The following KLHL1 variants were observed in gnomAD, a reference collection of about 807,000 sequenced individuals.
KLHL1 encodes the protein kelch like family member 1.
Under a neutral mutation model 77.7 loss-of-function variants are expected in KLHL1, and 47 were observed. The observed-to-expected ratio is 0.60, with a 90% CI of 0.48 to 0.77. The LOEUF (loss-of-function observed/expected upper bound fraction) is 0.77, where lower values mean the gene tolerates loss of function less well. Ranked by LOEUF, KLHL1 falls within the 30% of genes least tolerant of loss-of-function variation. The pLI is 0.00. For synonymous variants in KLHL1, 360 were observed against 325.2 expected (o/e 1.11, Z -1.15); for missense variants, 925 against 910.8 (o/e 1.02, Z -0.20).
chr13:69,984,892 T>A (rs1308469131), intron 1 of KLHL1, among the ~76,000 whole-genome samples: 2 of 152,054 alleles, frequency 1.3e-5, no homozygotes, highest in African/African-American at 4.8e-5. Flanking sequence ...GCGGATCGCA[T>A]GATGTCAGGA....
chr13:69,893,877 G>C (rs559779907), intron 4 of KLHL1, among the ~76,000 whole-genome samples: 16 of 152,036 alleles, frequency 1.1e-4, no homozygotes, highest in East Asian at 3.9e-4. Flanking sequence ...CCCTTTTTTG[G>C]GAAACACAGT....
At chr13:69,778,117 G>A (rs552883316) in intron 7 of KLHL1, among the ~76,000 whole-genome samples, 1 of 152,042 alleles carries the variant, frequency 6.6e-6, no homozygotes, top group African/African-American at 2.4e-5. Context: ...TAATTAAAGA[G>A]ATTTAAAATG....
chr13:69,942,062 A>G (rs905327706), intron 3 of KLHL1, among the ~76,000 whole-genome samples: 5 of 152,098 alleles, frequency 3.3e-5, no homozygotes, highest in African/African-American at 1.2e-4. Flanking sequence ...AAACTATTCT[A>G]AAAGGAAAAT....
rs1875555526 is a variant in KLHL1, at chr13:69,704,894, T to C, written c.2187+2731A>G. Among the ~76,000 whole-genome samples, 3 of 151,724 alleles carry C rather than the reference T, an allele frequency of 2.0e-5. No individual in the cohort carries two copies. In the South Asian group the frequency reaches 6.2e-4, roughly 31 times the overall value. The stretch of plus-strand genomic sequence containing the variant: ...GGCTTCTCTGTAACAAAATTCTCAA[T>C]ATATCATTATCAATATATCTTATAT... On this transcript the variant is annotated intron_variant, in intron 10 of 10. Coordinates refer to ENST00000377844, the MANE Select transcript of KLHL1 (RefSeq NM_020866.3).
At chr13:69,716,231 C>T (rs1876115723) in intron 9 of KLHL1, among the ~76,000 whole-genome samples, 1 of 152,070 alleles carries the variant, frequency 6.6e-6, no homozygotes. Flanking sequence ...TACAGTTTAT[C>T]TCAAGAAAGT....
intron 6 of KLHL1, among the ~76,000 whole-genome samples, chr13:69,829,043 A>G (rs1253008930): frequency 2.0e-5 from 3 of 150,520 alleles, no homozygotes; most frequent in Non-Finnish European, 4.4e-5. Flanking sequence ...AACCCAAAGT[A>G]TACTTATCCA....
intron 5 of KLHL1, among the ~76,000 whole-genome samples, chr13:69,854,245 C>T (rs1213556726): frequency 6.6e-6 from 1 of 151,968 alleles, no homozygotes; most frequent in African/African-American, 2.4e-5. Flanking sequence ...AGCATGGCAC[C>T]AACATCTGCT....
rs187771308 is a variant in KLHL1 at position 70,048,076 on chromosome 13, G to C, written c.497+59127C>G. ...CTTTAGCTCTTAATCACTAGCATAG[G>C]TCACTCCAAAATTTGACATGCTGTC... On this transcript the variant is annotated intron_variant, in intron 1 of 10. Transcript: ENST00000377844. Among the ~76,000 whole-genome samples, 6 of 152,260 alleles carry C rather than the reference G, an allele frequency of 3.9e-5. No homozygotes were observed. The East Asian group carries it at 9.6e-4, about 24-fold the overall frequency.
intron 10 of KLHL1, among the ~76,000 whole-genome samples, chr13:69,703,781 G>A (rs575030462): frequency 1.7e-4 from 26 of 151,664 alleles, no homozygotes; most frequent in Admixed American, 9.9e-4. Context: ...TACTCATTAC[G>A]GTAACATACT....
chr13:69,748,437 A>G (rs997802445), intron 7 of KLHL1, among the ~76,000 whole-genome samples: 1 of 151,980 alleles, frequency 6.6e-6, no homozygotes, highest in African/African-American at 2.4e-5. Context: ...CCCTGATAAA[A>G]CCATCAGATG....
chr13:69,713,287 C>T (rs1258774211), intron 9 of KLHL1, among the ~76,000 whole-genome samples: 1 of 152,082 alleles, frequency 6.6e-6, no homozygotes. Flanking sequence ...AATTTGCTTT[C>T]TTTTTATGCC....
At chr13:70,045,400 A>C (rs1283016262) in intron 1 of KLHL1, among the ~76,000 whole-genome samples, 1 of 152,164 alleles carries the variant, frequency 6.6e-6, no homozygotes, top group East Asian at 1.9e-4. Flanking sequence ...TTTATCCTAA[A>C]AACAAACCAC....
intron 7 of KLHL1, among the ~76,000 whole-genome samples, chr13:69,792,728 C>A (rs1291690408): frequency 2.6e-5 from 4 of 152,040 alleles, no homozygotes; most frequent in African/African-American, 9.7e-5. Context: ...TATCGATATA[C>A]ACTACCTGAA....
chr13:69,798,298 G>A (rs1877217711), intron 6 of KLHL1, among the ~76,000 whole-genome samples: 1 of 152,110 alleles, frequency 6.6e-6, no homozygotes, highest in African/African-American at 2.4e-5. Flanking sequence ...TTCCTCTGGG[G>A]ACTCATTTAC....
chr13:69,926,336 A>T (rs2210448), intron 4 of KLHL1, among the ~76,000 whole-genome samples: 124,606 of 151,834 alleles, frequency 0.82, 52,399 homozygotes, highest in Non-Finnish European at 0.92. Flanking sequence ...CCATGACTTT[A>T]AAAAAAATAA....
chr13:69,956,017 GATATAT>G lies in KLHL1; in HGVS notation c.817+5285_817+5290del, dbSNP rs1214625646. On this transcript the variant is annotated intron_variant, in intron 3 of 10. Coordinates refer to ENST00000377844, the MANE Select transcript of KLHL1 (RefSeq NM_020866.3). ...ATTTGATATATATTTATATATATTT[GATATAT>G]ATTTATATATATTTATATATATTTG... Among the ~76,000 whole-genome samples the G allele has an allele frequency of 9.4e-3, 811 of 86,106 alleles. 11 individuals carry two copies. The highest frequency in any genetic ancestry group is 0.037 in the African/African-American group (749 of 20,518). 56.5% of individuals were successfully genotyped at this position (86,106 alleles called of 152,430 possible).
At chr13:69,964,197 C>T (rs1884148344) in intron 2 of KLHL1, among the ~76,000 whole-genome samples, 2 of 152,232 alleles carry the variant, frequency 1.3e-5, no homozygotes, top group East Asian at 3.9e-4. Flanking sequence ...GTATATGCTA[C>T]CATGCCTAGC....
At chr13:69,852,065 T>C (rs1003849907) in intron 5 of KLHL1, among the ~76,000 whole-genome samples, 3 of 151,924 alleles carry the variant, frequency 2.0e-5, no homozygotes, top group African/African-American at 4.8e-5. Flanking sequence ...TCTATGCATA[T>C]TATCCTGCAT....
intron 5 of KLHL1, among the ~76,000 whole-genome samples, chr13:69,857,115 T>C (rs1879949040): frequency 6.6e-6 from 1 of 152,092 alleles, no homozygotes; most frequent in African/African-American, 2.4e-5. Context: ...TAGTGTATTC[T>C]TTCATTGTGC....
Sources: allele counts gnomAD v4.1 joint callset (sites outside exome capture counted in the v4.1 genomes callset), GRCh38; gene constraint gnomAD v4.1.1; transcripts MANE v1.5; gene names NCBI Gene and HGNC (gene_info 2026-07-23, HGNC 2026-07-21).